Variants in FSTL1 observed in about 807,000 individuals in gnomAD.
The protein encoded by FSTL1 is follistatin like 1, also known as follistatin-related protein 1.
A neutral mutation model predicts 45.9 loss-of-function variants in FSTL1; 24 were observed. The observed-to-expected ratio is 0.52, with a 90% confidence interval of 0.38 to 0.74. The LOEUF is 0.74. FSTL1 is among the 30% of genes least tolerant of loss of function. FSTL1 has a pLI of 0.00. For missense variants in FSTL1, 340 were observed against 381.8 expected (o/e 0.89, Z 0.91); for synonymous variants, 120 against 137.6 (o/e 0.87, Z 0.89).
At chr3:120,401,911 G>T (rs1195758772) in intron 9 of FSTL1, among the ~76,000 whole-genome samples, 3 of 152,128 alleles carry the variant, frequency 2.0e-5, no homozygotes, top group Admixed American at 6.5e-5. Context: ...GAAACTTTTC[G>T]GCCTGGTTCC....
chr3:120,435,998 G>A (rs1937549045), intron 2 of FSTL1, among the ~76,000 whole-genome samples: 1 of 151,878 alleles, frequency 6.6e-6, no homozygotes, highest in African/African-American at 2.4e-5. Context: ...ACATAGTGGG[G>A]TAGTCATCCT....
intron 2 of FSTL1, chr3:120,423,089 C>G (rs898031427): frequency 4.6e-5 from 7 of 152,122 alleles, no homozygotes; most frequent in Non-Finnish European, 1.0e-4. Context: ...CTACTCATTG[C>G]GTATTGTGTG....
At chr3:120,404,809 G>C in intron 7 of FSTL1, 44 bp downstream of exon 7, 1 of 974,572 alleles carries the variant, frequency 1.0e-6, no homozygotes, top group Non-Finnish European at 1.7e-6. Flanking sequence ...CTCTCAGTTA[G>C]TCTTCCCTTG....
chr3:120,400,856 G>A (rs780042870), intron 9 of FSTL1, among the ~76,000 whole-genome samples: 4 of 152,172 alleles, frequency 2.6e-5, no homozygotes, highest in Non-Finnish European at 5.9e-5. Context: ...GGCCCCTGGG[G>A]CACCACCATC....
intron 7 of FSTL1, among the ~76,000 whole-genome samples, chr3:120,403,929 A>AAAC (rs1936882888): frequency 7.8e-6 from 1 of 128,176 alleles, no homozygotes; most frequent in Non-Finnish European, 1.7e-5. Context: ...TCAAAAAAAA[A>AAAC]AAAAAAAAAA....
At chr3:120,436,776 T>A (rs1334223796) in intron 2 of FSTL1, among the ~76,000 whole-genome samples, 2 of 152,242 alleles carry the variant, frequency 1.3e-5, no homozygotes, top group African/African-American at 4.8e-5. Flanking sequence ...GGACTCAGCC[T>A]GTCCCTGTAG....
chr3:120,411,120 C>A, intron 4 of FSTL1, 136 bp from the exon 5 acceptor site: 1 of 619,814 alleles, frequency 1.6e-6, no homozygotes, highest in Non-Finnish European at 2.9e-6. Context: ...TGAATCCTTT[C>A]CCTTCCTTTC....
chr3:120,397,580 G>A (rs1012947997), intron 10 of FSTL1, among the ~76,000 whole-genome samples: 3 of 152,270 alleles, frequency 2.0e-5, no homozygotes, highest in East Asian at 1.9e-4. Context: ...CTTGACACCC[G>A]CTAGGACAGC....
intron 2 of FSTL1, among the ~76,000 whole-genome samples, chr3:120,446,739 C>T (rs2107674433): frequency 6.6e-6 from 1 of 152,280 alleles, no homozygotes; most frequent in South Asian, 2.1e-4. Context: ...AATATAACCC[C>T]TAGTGTACAA....
chr3:120,443,460 C>A (rs1341653133), intron 2 of FSTL1, among the ~76,000 whole-genome samples: 1 of 150,004 alleles, frequency 6.7e-6, no homozygotes, highest in Admixed American at 6.6e-5. Flanking sequence ...CCATAAATTA[C>A]ACTTATTAAC....
intron 2 of FSTL1, among the ~76,000 whole-genome samples, chr3:120,440,495 C>T (rs866514621): frequency 1.7e-4 from 26 of 152,192 alleles, no homozygotes; most frequent in African/African-American, 5.6e-4. Context: ...CTGAGCCCTT[C>T]GTGCTGGGTT....
rs1312283446 is a variant in FSTL1 at position 120,416,025 on chromosome 3, T to C, written c.66A>G (p.Glu22=). The change falls in exon 3 of 11, where the codon GAA becomes GAG. Residue 22 remains glutamate (E), a splice_region_variant and synonymous_variant. Transcript: ENST00000295633. ...LVAVAWVRAE[E]ELRSKSKICA... is the part of the protein sequence containing the mutation. Reference sequence around the variant, plus strand: ...AGATCTTGGATTTGCTCCTTAGCTCTTCCTAAAACATACAATCATAAAGGA... The same window carrying C: ...AGATCTTGGATTTGCTCCTTAGCTCCTCCTAAAACATACAATCATAAAGGA... 5 of 1,606,508 alleles carry C rather than the reference T, an allele frequency of 3.1e-6. No homozygotes were observed. In the South Asian group the frequency reaches 5.5e-5, roughly 18 times the overall value.
rs1316804454 is a variant in FSTL1, at chr3:120,412,830, GCGCGCGCGCACACA to G, written c.169-861_169-848del. Among the ~76,000 whole-genome samples, 536 of 81,968 alleles carry G rather than the reference GCGCGCGCGCACACA, an allele frequency of 6.5e-3. 5 individuals are homozygous for G. Among genetic ancestry groups the G allele is most frequent in the African/African-American group, 0.017 (401 of 23,788 alleles). The allele number at this position is 81,968 out of a possible 152,430, so 53.8% of individuals were successfully genotyped here. ...AACACACACACATGTGCGCGCGCGC[GCGCGCGCGCACACA>G]CACACACACACACACACACACACAC... On this transcript the variant is annotated intron_variant, in intron 3 of 10. Transcript: ENST00000295633.
intron 2 of FSTL1, among the ~76,000 whole-genome samples, chr3:120,432,436 C>T (rs1016968780): frequency 6.6e-6 from 1 of 152,102 alleles, no homozygotes; most frequent in Non-Finnish European, 1.5e-5. Context: ...CCAGGTATTC[C>T]GTTCCGCTGC....
At chr3:120,437,572 G>A (rs1937584169) in intron 2 of FSTL1, among the ~76,000 whole-genome samples, 4 of 152,138 alleles carry the variant, frequency 2.6e-5, no homozygotes, top group Admixed American at 2.6e-4. Context: ...GTCTATTTGT[G>A]TGTGTGTGTG....
intron 2 of FSTL1, chr3:120,423,054 T>C (rs1937311270): frequency 6.6e-6 from 1 of 152,234 alleles, no homozygotes. Context: ...TATCACAGCT[T>C]ATGGGATATA....
intron 2 of FSTL1, among the ~76,000 whole-genome samples, chr3:120,432,685 G>A (rs1937499560): frequency 6.6e-6 from 1 of 152,192 alleles, no homozygotes; most frequent in Non-Finnish European, 1.5e-5. Flanking sequence ...CATTTTAACT[G>A]TGTAAACACT....
At chr3:120,445,566 G>A (rs936888078) in intron 2 of FSTL1, among the ~76,000 whole-genome samples, 3 of 148,972 alleles carry the variant, frequency 2.0e-5, no homozygotes, top group Non-Finnish European at 2.9e-5. Flanking sequence ...CAGTCTTGTC[G>A]CATGGTGCCT....
intron 3 of FSTL1, 73 bp from the exon 4 acceptor site, chr3:120,412,056 TGC>T: frequency 3.6e-6 from 2 of 562,320 alleles, no homozygotes; most frequent in Non-Finnish European, 5.9e-6. Context: ...CACACATACA[TGC>T]ACACACACAC....
Sources: gnomAD v4.1 joint callset for allele counts (sites outside exome capture counted in the v4.1 genomes callset) on GRCh38, gnomAD v4.1.1 for gene constraint, MANE v1.5 for transcripts, NCBI Gene and HGNC (gene_info 2026-07-23, HGNC 2026-07-21) for gene names.